TOX2: variants seen among roughly 807,000 people sequenced by gnomAD.
TOX2 encodes the protein granulosa cell HMG box 1.
A neutral mutation model predicts 47.4 loss-of-function variants in TOX2; 15 were observed. The observed-to-expected ratio is 0.32, with a 90% confidence interval of 0.21 to 0.49. The LOEUF (loss-of-function observed/expected upper bound fraction) is 0.49, where lower values mean the gene tolerates loss of function less well. Among genes scored for constraint, TOX2 ranks in the 20% least tolerant of loss-of-function variants. TOX2 has a pLI of 0.99. For synonymous variants in TOX2, 290 were observed against 296.6 expected, an observed-to-expected ratio of 0.98 and a Z score of 0.23; for missense variants, 622 against 673.1, an observed-to-expected ratio of 0.92 and a Z score of 0.84.
chr20:44,051,411 C>G lies in TOX2; in HGVS notation c.517C>G (p.Gln173Glu). The G allele has an allele frequency of 6.2e-7, 1 of 1,614,148 alleles. No individual in the cohort carries two copies. Among genetic ancestry groups the G allele is most frequent in the Non-Finnish European group, 8.5e-7 (1 of 1,180,018 alleles). The stretch of plus-strand genomic sequence containing the variant: ...GGCCAGCCACATGAGTGCCCTCAGC[C>G]AGTCCCAGCTCATCTCGCAGATGGG... ...MLASHMSALS[Q>E]SQLISQMGIR... The change falls in exon 4 of 9, where the codon CAG becomes GAG. Residue 173 changes from glutamine to glutamate, a missense_variant. Physicochemically the swap from Gln to Glu is conservative, Grantham distance 29. Transcript: ENST00000341197.
At chr20:43,997,090 G>A (rs1410107365) in intron 2 of TOX2, among the ~76,000 whole-genome samples, 1 of 152,120 alleles carries the variant, frequency 6.6e-6, no homozygotes, top group African/African-American at 2.4e-5. Context: ...TTGGAAAAAG[G>A]TCAAATCACC....
intron 3 of TOX2, among the ~76,000 whole-genome samples, chr20:44,046,825 G>A (rs2071415711): frequency 6.6e-6 from 1 of 152,068 alleles, no homozygotes; most frequent in Admixed American, 6.6e-5. Flanking sequence ...TCATACTTTG[G>A]TGACACAATA....
At chr20:44,033,963 T>C (rs1165674610) in intron 3 of TOX2, among the ~76,000 whole-genome samples, 1 of 152,234 alleles carries the variant, frequency 6.6e-6, no homozygotes, top group East Asian at 1.9e-4. Flanking sequence ...CTGCAGATCA[T>C]AGGGCTTCTT....
intron 3 of TOX2, among the ~76,000 whole-genome samples, chr20:44,014,365 G>C (rs535948457): frequency 6.6e-6 from 1 of 152,300 alleles, no homozygotes; most frequent in African/African-American, 2.4e-5. Context: ...CTCTTGAAGA[G>C]AGAAATGGTA....
chr20:43,950,978 T>A (rs932360077), intron 1 of TOX2, among the ~76,000 whole-genome samples: 1 of 151,506 alleles, frequency 6.6e-6, no homozygotes, highest in Admixed American at 6.6e-5. Flanking sequence ...AGGCTAGATT[T>A]TGGGGTGAGG....
intron 3 of TOX2, among the ~76,000 whole-genome samples, chr20:44,038,217 G>C (rs1201514504): frequency 6.6e-6 from 1 of 152,030 alleles, no homozygotes; most frequent in African/African-American, 2.4e-5. Context: ...GCAACATAGA[G>C]AGACCCTGTA....
intron 1 of TOX2, among the ~76,000 whole-genome samples, chr20:43,969,610 C>T (rs1327800585): frequency 2.0e-5 from 3 of 152,232 alleles, no homozygotes; most frequent in African/African-American, 4.8e-5. Flanking sequence ...CCAAGGGCTC[C>T]GATGTGGTGG....
Position 44,039,717 on chromosome 20 carries a change from C to T in TOX2, c.412-11589C>T, listed in dbSNP as rs185938097. On this transcript the variant is annotated intron_variant, in intron 3 of 8. Coordinates refer to ENST00000341197, the MANE Select transcript of TOX2 (RefSeq NM_001098797.2). ...CTCTGAAAGACTTGTGGATGTGATCCGGGAAGGATGTCAAGTCTTCCAGGA... is the reference window on the plus strand; with the variant it reads ...CTCTGAAAGACTTGTGGATGTGATCTGGGAAGGATGTCAAGTCTTCCAGGA... Among the ~76,000 whole-genome samples the T allele has an allele frequency of 1.1e-3, 160 of 152,256 alleles. 1 individual carries two copies. The Middle Eastern group carries it at 0.014, about 13-fold the overall frequency.
intron 2 of TOX2, among the ~76,000 whole-genome samples, chr20:43,998,296 G>T (rs529793368): frequency 6.6e-6 from 1 of 152,274 alleles, no homozygotes; most frequent in South Asian, 2.1e-4. Flanking sequence ...ATGAGATTTG[G>T]GTGGGGATGC....
chr20:43,949,322 C>T (rs539028569), intron 1 of TOX2, among the ~76,000 whole-genome samples: 41 of 152,280 alleles, frequency 2.7e-4, no homozygotes, highest in Admixed American at 6.5e-4. Flanking sequence ...CCGGGATGAC[C>T]GCAGGAGCCT....
chr20:43,929,874 T>C (rs112072992), intron 1 of TOX2, among the ~76,000 whole-genome samples: 125 of 152,202 alleles, frequency 8.2e-4, no homozygotes, highest in African/African-American at 2.6e-3. Flanking sequence ...CATGCCCGGC[T>C]ACTTTTTGTA....
intron 3 of TOX2, chr20:44,039,256 A>C: frequency 3.1e-6 from 4 of 1,289,422 alleles, no homozygotes; most frequent in Non-Finnish European, 4.0e-6. Flanking sequence ...GATGACACAG[A>C]GGGCAGGTGT....
chr20:44,028,650 G>A (rs935620693), intron 3 of TOX2, among the ~76,000 whole-genome samples: 1 of 151,858 alleles, frequency 6.6e-6, no homozygotes, highest in Non-Finnish European at 1.5e-5. Flanking sequence ...AGACAAAGAC[G>A]CAAAGGAGTA....
At chr20:43,965,131 T>G (rs920746347) in intron 1 of TOX2, among the ~76,000 whole-genome samples, 6 of 152,068 alleles carry the variant, frequency 3.9e-5, no homozygotes, top group African/African-American at 1.4e-4. Flanking sequence ...TGGGGAAGCA[T>G]GGGGTCCTGG....
At chr20:43,977,633 A>G (rs1453210698) in intron 2 of TOX2, among the ~76,000 whole-genome samples, 2 of 151,878 alleles carry the variant, frequency 1.3e-5, no homozygotes, top group African/African-American at 4.8e-5. Flanking sequence ...GACTCCACAT[A>G]AATTTTCCCA....
At chr20:43,917,473 A>T (rs1002316665) in intron 1 of TOX2, among the ~76,000 whole-genome samples, 17 of 152,200 alleles carry the variant, frequency 1.1e-4, no homozygotes, top group African/African-American at 4.1e-4. Flanking sequence ...ACACACCCAC[A>T]CATGGGGGGC....
At chr20:44,015,223 C>T (rs1050577816) in intron 3 of TOX2, among the ~76,000 whole-genome samples, 7 of 152,210 alleles carry the variant, frequency 4.6e-5, no homozygotes, top group African/African-American at 1.7e-4. Context: ...GATGAAACTC[C>T]TGGCCCCTGT....
intron 1 of TOX2, among the ~76,000 whole-genome samples, chr20:43,960,943 T>G (rs548538533): frequency 6.6e-6 from 1 of 152,238 alleles, no homozygotes; most frequent in Non-Finnish European, 1.5e-5. Context: ...ATGAGGAAAC[T>G]GAGGCCTAGA....
intron 3 of TOX2, among the ~76,000 whole-genome samples, chr20:44,026,989 C>G (rs1445069075): frequency 6.6e-6 from 1 of 152,202 alleles, no homozygotes; most frequent in African/African-American, 2.4e-5. Flanking sequence ...CTCGAGAGTT[C>G]ATAAAAACAT....
Sources: gnomAD v4.1 joint callset for allele counts (sites outside exome capture counted in the v4.1 genomes callset) on GRCh38, gnomAD v4.1.1 for gene constraint, MANE v1.5 for transcripts, NCBI Gene and HGNC (gene_info 2026-07-23, HGNC 2026-07-21) for gene names.